Variants in CRYZL1 observed in about 807,000 individuals in gnomAD.
CRYZL1 encodes the protein ferry endosomal RAB5 effector complex subunit 4.
In CRYZL1, 34 loss-of-function variants were observed where a neutral mutation model predicts 50.6. The observed-to-expected ratio is 0.67, with a 90% CI of 0.51 to 0.89. The LOEUF is 0.89. CRYZL1 is among the 40% of genes least tolerant of loss of function. CRYZL1 has a pLI of 0.00. For missense variants in CRYZL1, 354 were observed against 402.3 expected, an observed-to-expected ratio of 0.88 and a Z score of 1.03; for synonymous variants, 125 against 134.3, an observed-to-expected ratio of 0.93 and a Z score of 0.48.
At chr21:33,637,407 T>A in intron 1 of CRYZL1, among the ~76,000 whole-genome samples, 1 of 146,746 alleles carries the variant, frequency 6.8e-6, no homozygotes, top group East Asian at 2.0e-4. Context: ...ATCGCGCCAC[T>A]GCACTCCAGC....
chr21:33,628,776 A>T (rs1327884990), intron 2 of CRYZL1, among the ~76,000 whole-genome samples: 1 of 151,660 alleles, frequency 6.6e-6, no homozygotes, highest in African/African-American at 2.4e-5. Context: ...TAACTCAAAA[A>T]AATTTTTTTT....
intron 4 of CRYZL1, among the ~76,000 whole-genome samples, chr21:33,618,425 C>T (rs180699713): frequency 6.6e-6 from 1 of 152,002 alleles, no homozygotes; most frequent in Non-Finnish European, 1.5e-5. Flanking sequence ...GAAAAAACTC[C>T]AAATATTGTT....
intron 2 of CRYZL1, among the ~76,000 whole-genome samples, chr21:33,625,457 C>T (rs1312563570): frequency 6.6e-6 from 1 of 151,758 alleles, no homozygotes; most frequent in Non-Finnish European, 1.5e-5. Context: ...GCCCAGCAGG[C>T]CTTTACTAAT....
intron 6 of CRYZL1, among the ~76,000 whole-genome samples, chr21:33,610,548 T>C (rs996105692): frequency 3.7e-4 from 56 of 152,170 alleles, no homozygotes; most frequent in Non-Finnish European, 1.8e-4. Context: ...TTCTGGACTT[T>C]AATCCATCCT....
At chr21:33,625,014 T>A (rs1219341561) in intron 2 of CRYZL1, among the ~76,000 whole-genome samples, 1 of 152,214 alleles carries the variant, frequency 6.6e-6, no homozygotes, top group East Asian at 1.9e-4. Flanking sequence ...TGGATATATA[T>A]GTAGACAATA....
At chr21:33,591,358 C>T (rs533095092) in intron 11 of CRYZL1, 151 bp from the exon 12 acceptor site, 28 of 661,234 alleles carry the variant, frequency 4.2e-5, no homozygotes, top group South Asian at 1.1e-4. Flanking sequence ...TTCTGTAGGA[C>T]GTCAAGTTTA....
chr21:33,614,748 T>TA (rs2086910330), intron 5 of CRYZL1, among the ~76,000 whole-genome samples: 1 of 152,050 alleles, frequency 6.6e-6, no homozygotes, highest in African/African-American at 2.4e-5. Flanking sequence ...ATCTTTGTAT[T>TA]ATTAGTAGAG....
At position 33,589,502 on chromosome 21, in the gene CRYZL1, G is replaced by C; in HGVS notation, c.*320C>G. 2.2e-6 allele frequency: 1 copy of C among 452,888 alleles called. No homozygotes were observed. Among genetic ancestry groups the C allele is most frequent in the Non-Finnish European group, 3.9e-6 (1 of 257,864 alleles). 28.1% of individuals were successfully genotyped at this position (452,888 alleles called of 1,614,324 possible). ...AGGCCTGCAACAGCTTTTATCAAGA[G>C]TAGTGTGACTTTTGCTGAAAGCAGC... On this transcript the variant is annotated 3_prime_UTR_variant, in exon 13 of 13. Transcript: ENST00000381554.
At chr21:33,634,626 C>T (rs1404522060) in intron 1 of CRYZL1, among the ~76,000 whole-genome samples, 1 of 151,840 alleles carries the variant, frequency 6.6e-6, no homozygotes, top group Admixed American at 6.6e-5. Context: ...CAACTCTGTT[C>T]CTACTCAGTC....
chr21:33,613,442 C>A, intron 6 of CRYZL1, 96 bp downstream of exon 6: 2 of 828,620 alleles, frequency 2.4e-6, no homozygotes, highest in Non-Finnish European at 4.0e-6. Context: ...TTAAGTACAA[C>A]ACTTATGGTA....
intron 2 of CRYZL1, among the ~76,000 whole-genome samples, chr21:33,626,486 C>T (rs2087064840): frequency 6.6e-6 from 1 of 151,744 alleles, no homozygotes; most frequent in Non-Finnish European, 1.5e-5. Flanking sequence ...CACTTAAGGT[C>T]AGGAGTTTGA....
intron 4 of CRYZL1, 130 bp downstream of exon 4, chr21:33,621,866 G>A: frequency 1.8e-6 from 1 of 570,930 alleles, no homozygotes; most frequent in East Asian, 3.3e-5. Flanking sequence ...AATAAAAAAG[G>A]ACATGTTCAT....
chr21:33,636,952 G>A (rs1443412891), intron 1 of CRYZL1, among the ~76,000 whole-genome samples: 1 of 152,116 alleles, frequency 6.6e-6, no homozygotes, highest in African/African-American at 2.4e-5. Flanking sequence ...GACTACAGGC[G>A]CCCGCCACTG....
chr21:33,628,549 G>C (rs2087096877), intron 2 of CRYZL1, among the ~76,000 whole-genome samples: 1 of 150,762 alleles, frequency 6.6e-6, no homozygotes, highest in South Asian at 2.1e-4. Context: ...ATTTATTCCT[G>C]GGCATTTTAT....
At chr21:33,591,542 G>A in intron 11 of CRYZL1, 1 of 322,770 alleles carries the variant, frequency 3.1e-6, no homozygotes, top group Non-Finnish European at 5.7e-6. Flanking sequence ...ACTACATATG[G>A]CATTTTTAGT....
intron 6 of CRYZL1, among the ~76,000 whole-genome samples, chr21:33,612,270 C>T (rs2086879909): frequency 6.6e-6 from 1 of 151,942 alleles, no homozygotes; most frequent in Admixed American, 6.6e-5. Context: ...ACATCCTTCC[C>T]ACACTTTGGG....
chr21:33,620,181 C>T (rs530182994), intron 4 of CRYZL1, among the ~76,000 whole-genome samples: 11 of 152,284 alleles, frequency 7.2e-5, no homozygotes, highest in South Asian at 2.1e-4. Flanking sequence ...ATCTATTCTA[C>T]GTTAAAATCC....
intron 7 of CRYZL1, chr21:33,603,187 G>T: frequency 2.0e-6 from 1 of 503,828 alleles, no homozygotes; most frequent in Admixed American, 3.2e-5. Flanking sequence ...TCTTTTTAAT[G>T]TACCAGCAGA....
rs759048452 is a variant in CRYZL1 at position 33,597,299 on chromosome 21, G to A, written c.779C>T (p.Thr260Ile). 6.2e-7 allele frequency: 1 copy of A among 1,613,572 alleles called. No homozygotes were observed. Among genetic ancestry groups the A allele is most frequent in the Admixed American group, 1.7e-5 (1 of 59,998 alleles). Reference sequence around the variant, plus strand: ...TAGTACCTGAAGGTTTTCTTCTGTTGTTACCCAGTGGCCTCCAACACCAAG... The same window carrying A: ...TAGTACCTGAAGGTTTTCTTCTGTTATTACCCAGTGGCCTCCAACACCAAG... The part of the protein sequence containing the change: ...TLLGVGGHWV[T>I]TEENLQLDPP... Residue 260 changes from threonine to isoleucine, a missense_variant, in exon 10 of 13, where the codon ACA becomes ATA. Thr to Ile is a moderately conservative substitution (Grantham distance 89, BLOSUM62 -1). Coordinates refer to ENST00000381554, the MANE Select transcript of CRYZL1 (RefSeq NM_145858.3).
Sources: allele counts gnomAD v4.1 joint callset (sites outside exome capture counted in the v4.1 genomes callset), GRCh38; gene constraint gnomAD v4.1.1; transcripts MANE v1.5; gene names NCBI Gene and HGNC (gene_info 2026-07-23, HGNC 2026-07-21).